MAP2K2: variants seen among roughly 807,000 people sequenced by gnomAD.
MAP2K2 encodes the protein dual specificity mitogen-activated protein kinase kinase 2.
MAP2K2 carries 24 observed loss-of-function variants against 43.7 expected under a neutral mutation model. The observed-to-expected ratio is 0.55, with a 90% CI of 0.40 to 0.77. MAP2K2 has a LOEUF of 0.77. MAP2K2 is among the 30% of genes least tolerant of loss of function. The pLI, the probability that MAP2K2 is intolerant of heterozygous loss-of-function variation, is 0.00. For missense variants in MAP2K2, 470 were observed against 566.8 expected, an observed-to-expected ratio of 0.83 and a Z score of 1.73; for synonymous variants, 244 against 239.7, an observed-to-expected ratio of 1.02 and a Z score of -0.17.
At chr19:4,118,328 GTC>G (rs1212028286) in intron 1 of MAP2K2, among the ~76,000 whole-genome samples, 1 of 152,074 alleles carries the variant, frequency 6.6e-6, no homozygotes, top group Non-Finnish European at 1.5e-5. Flanking sequence ...GGGCCAAGAT[GTC>G]TGTCTTTGCA....
At chr19:4,118,933 C>T (rs1484962743) in intron 1 of MAP2K2, among the ~76,000 whole-genome samples, 1 of 152,192 alleles carries the variant, frequency 6.6e-6, no homozygotes, top group Non-Finnish European at 1.5e-5. Context: ...GACAACTAAG[C>T]GCAATGCACA....
At chr19:4,117,705 C>T (rs2041242147) in intron 1 of MAP2K2, 76 bp from the exon 2 acceptor site, 3 of 1,352,298 alleles carry the variant, frequency 2.2e-6, no homozygotes, top group African/African-American at 1.4e-5. Context: ...GGCCGTGGTG[C>T]ATCGGCCCCC....
At chr19:4,102,917 G>A in intron 3 of MAP2K2, 1 of 1,146,790 alleles carries the variant, frequency 8.7e-7, no homozygotes, top group South Asian at 1.9e-5. Context: ...GGGAGGGTGA[G>A]GGCGCGGAGG....
At chr19:4,118,626 CA>C (rs1352940050) in intron 1 of MAP2K2, among the ~76,000 whole-genome samples, 1 of 152,066 alleles carries the variant, frequency 6.6e-6, no homozygotes, top group African/African-American at 2.4e-5. Context: ...TAAGCATGAC[CA>C]GCCTGGGCAA....
rs1022845408 is a variant in MAP2K2, at chr19:4,101,011, G to C, written c.705+8C>G. The C allele has an allele frequency of 6.4e-7, 1 of 1,554,744 alleles. No homozygotes were observed. The highest frequency in any genetic ancestry group is 1.4e-5 in the African/African-American group (1 of 73,132). ...GAGAGCTGGAGGGGAGAGCCAGCGGGGACTCACAGCCATGTAGGAGCGCGT... is the reference window on the plus strand; with the variant it reads ...GAGAGCTGGAGGGGAGAGCCAGCGGCGACTCACAGCCATGTAGGAGCGCGT... On this transcript the variant is annotated splice_region_variant and intron_variant, in intron 6 of 10. Transcript: ENST00000262948. This position sits in a 1 kb window ranked among gnomAD's most constrained non-coding sequence, Gnocchi z 6.3.
chr19:4,090,925 G>A (rs1437229542), intron 10 of MAP2K2, among the ~76,000 whole-genome samples: 2 of 152,218 alleles, frequency 1.3e-5, no homozygotes, highest in Admixed American at 6.5e-5. Context: ...GTCTCAGGAT[G>A]CTGCACTCCA....
At chr19:4,090,784 C>A in intron 10 of MAP2K2, 76 bp from the exon 11 acceptor site, 1 of 974,460 alleles carries the variant, frequency 1.0e-6, no homozygotes, top group Non-Finnish European at 1.6e-6. Flanking sequence ...TCTGCCCAGC[C>A]CTGGCAGATG....
At chr19:4,122,542 C>A (rs1019525882) in intron 1 of MAP2K2, among the ~76,000 whole-genome samples, 1 of 135,982 alleles carries the variant, frequency 7.4e-6, no homozygotes, top group Non-Finnish European at 1.6e-5. Flanking sequence ...CCTTCCCCCA[C>A]AGGCCCCCAC....
At chr19:4,113,745 G>A (rs1229024406) in intron 2 of MAP2K2, among the ~76,000 whole-genome samples, 1 of 152,176 alleles carries the variant, frequency 6.6e-6, no homozygotes, top group Non-Finnish European at 1.5e-5. Context: ...AGAAGAATGA[G>A]GAATTTGAGC....
rs375130115 is a variant in MAP2K2 at position 4,103,196 on chromosome 19, G to A, written c.451-743C>T. ...CCTGTGGTCTCCTCGCCACTGTGCC[G>A]GGCATCCTGCGGAGGGCCTGGAAAC... On this transcript the variant is annotated intron_variant, in intron 3 of 10. Transcript: ENST00000262948. 2.9e-4 allele frequency: 291 copies of A among 987,984 alleles called. No homozygotes were observed. In the East Asian group the frequency reaches 5.8e-3, roughly 20 times the overall value. The allele number at this position is 987,984 out of a possible 1,614,324, so 61.2% of individuals were successfully genotyped here.
intron 2 of MAP2K2, 71 bp downstream of exon 2, chr19:4,117,348 C>T: frequency 1.4e-6 from 2 of 1,472,416 alleles, no homozygotes; most frequent in Non-Finnish European, 9.3e-7. Context: ...GGCTGCCTTC[C>T]CAACCTGCCT....
In MAP2K2 at chr19:4,120,745, A is replaced by T. The variant is rs114572903; in HGVS notation, c.92+3039T>A. ...GGCAACCCAACTGTGGTTATTAAAC[A>T]AAACAAAACAAAACCTTGGCGTCCC... On this transcript the variant is annotated intron_variant, in intron 1 of 10. Coordinates refer to ENST00000262948, the MANE Select transcript of MAP2K2 (RefSeq NM_030662.4). Among the ~76,000 whole-genome samples the T allele has an allele frequency of 5.5e-3, 843 of 152,308 alleles. 7 individuals are homozygous for T. The highest frequency in any genetic ancestry group is 0.019 in the African/African-American group (804 of 41,554).
chr19:4,117,512 A>G lies in MAP2K2; in HGVS notation c.210T>C (p.Asp70=). The G allele has an allele frequency of 6.2e-7, 1 of 1,614,140 alleles. No homozygotes were observed. The highest frequency in any genetic ancestry group is 1.7e-5 in the Admixed American group (1 of 60,020). ...CCAGCTCTGAGATCCTTTCGAAGTC[A>G]TCGTCTTTGAGTTCGCCGACCTTGG... is the stretch of plus-strand genomic sequence containing the variant. ...QKAKVGELKD[D]DFERISELGA... Residue 70 remains aspartate, a synonymous_variant, in exon 2 of 11, where the codon GAT becomes GAC. Transcript: ENST00000262948.
chr19:4,116,470 C>T (rs2041222365), intron 2 of MAP2K2, among the ~76,000 whole-genome samples: 1 of 149,976 alleles, frequency 6.7e-6, no homozygotes, highest in Non-Finnish European at 1.5e-5. Flanking sequence ...GTAGAGGTTG[C>T]AGTGAGCCAA....
Position 4,102,592 on chromosome 19 carries a change from C to T in MAP2K2, c.451-139G>A. 8.8e-6 allele frequency: 8 copies of T among 905,762 alleles called. No homozygotes were observed. In the Admixed American group the frequency reaches 1.0e-4, roughly 11 times the overall value. 56.1% of individuals were successfully genotyped at this position (905,762 alleles called of 1,614,324 possible). Reference sequence around the variant, plus strand: ...CCGGAGCCCAACTCCACCCACGGGCCAAGGGCAGGGCGTCTTCTGACAGTT... The same window carrying T: ...CCGGAGCCCAACTCCACCCACGGGCTAAGGGCAGGGCGTCTTCTGACAGTT... On this transcript the variant is annotated intron_variant, in intron 3 of 10. Transcript: ENST00000262948.
intron 3 of MAP2K2, among the ~76,000 whole-genome samples, chr19:4,107,252 G>A (rs1055227345): frequency 2.0e-5 from 3 of 151,842 alleles, no homozygotes; most frequent in African/African-American, 4.8e-5. Context: ...TGCCGGGCGC[G>A]GTGGCTCACG....
At chr19:4,123,488 C>G (rs1295894418) in intron 1 of MAP2K2, among the ~76,000 whole-genome samples, 1 of 151,954 alleles carries the variant, frequency 6.6e-6, no homozygotes, top group Non-Finnish European at 1.5e-5. Context: ...AAGGACCTCC[C>G]CTCGCCCAAT....
intron 3 of MAP2K2, among the ~76,000 whole-genome samples, chr19:4,109,351 C>T (rs1173666861): frequency 1.3e-5 from 2 of 152,138 alleles, no homozygotes; most frequent in Non-Finnish European, 2.9e-5. Context: ...GACTGTGGTC[C>T]CACAGATCTG....
In MAP2K2 at chr19:4,101,656, T is replaced by C. The variant is rs921602285; in HGVS notation, c.529-376A>G. 6.6e-6 allele frequency among the ~76,000 whole-genome samples: 1 copy of C among 152,128 alleles called. No individual in the cohort carries two copies. Among genetic ancestry groups the C allele is most frequent in the African/African-American group, 2.4e-5 (1 of 41,422 alleles). On this transcript the variant is annotated intron_variant, in intron 4 of 10. Transcript: ENST00000262948. This position sits in a 1 kb window ranked among gnomAD's most constrained non-coding sequence, Gnocchi z 6.3. ...AGGCAGCATCTGGGGTCCCAGGGAC[T>C]GTGCTAAGGGCCCCCAGATGGGACG...
Sources: gnomAD v4.1 joint callset for allele counts (sites outside exome capture counted in the v4.1 genomes callset) on GRCh38, gnomAD v4.1.1 for gene constraint, Gnocchi (gnomAD v3.1) non-coding constraint, MANE v1.5 for transcripts, NCBI Gene and HGNC (gene_info 2026-07-23, HGNC 2026-07-21) for gene names.